Variants in OPRM1 observed in about 807,000 individuals in gnomAD.
OPRM1 encodes opioid receptor mu 1, also known as mu-type opioid receptor.
In OPRM1, 27 loss-of-function variants were observed where a neutral mutation model predicts 31.8. That is an observed-to-expected ratio of 0.85 (90% CI 0.63 to 1.17). The LOEUF is 1.17. Ranked by LOEUF, OPRM1 falls within the 50% of genes most tolerant of loss-of-function variation. OPRM1 has a pLI of 0.00. For missense variants in OPRM1, 536 were observed against 511.1 expected (o/e 1.05, Z -0.47); for synonymous variants, 196 against 189.9 (o/e 1.03, Z -0.26).
chr6:154,186,064 C>A (rs1801320334), intron 3 of OPRM1, among the ~76,000 whole-genome samples: 4 of 152,176 alleles, frequency 2.6e-5, no homozygotes, highest in Admixed American at 1.3e-4. Flanking sequence ...TCTCTGTGTT[C>A]TCTCTCCCCA....
At chr6:154,182,673 G>A (rs1349871204) in intron 3 of OPRM1, among the ~76,000 whole-genome samples, 1 of 152,140 alleles carries the variant, frequency 6.6e-6, no homozygotes, top group Admixed American at 6.6e-5. Context: ...TCAGTTGAAT[G>A]AGAACAAAAT....
intron 1 of OPRM1, among the ~76,000 whole-genome samples, chr6:154,075,126 A>G (rs1367058997): frequency 6.6e-6 from 1 of 152,210 alleles, no homozygotes; most frequent in East Asian, 1.9e-4. Flanking sequence ...AGGGAATAGA[A>G]TAAGAGTTTT....
chr6:154,105,360 T>C (rs1170043701), intron 3 of OPRM1, among the ~76,000 whole-genome samples: 2 of 152,202 alleles, frequency 1.3e-5, no homozygotes, highest in Non-Finnish European at 2.9e-5. Context: ...GTTTAAAAGA[T>C]TAGTTTTCTA....
intron 3 of OPRM1, among the ~76,000 whole-genome samples, chr6:154,152,199 G>A (rs904318990): frequency 2.3e-5 from 3 of 132,540 alleles, no homozygotes; most frequent in Admixed American, 7.7e-5. Flanking sequence ...GAGAGAGAGA[G>A]AGAAAGAAAG....
At chr6:154,196,079 C>T (rs950022332) in intron 3 of OPRM1, among the ~76,000 whole-genome samples, 2 of 152,122 alleles carry the variant, frequency 1.3e-5, no homozygotes, top group African/African-American at 2.4e-5. Flanking sequence ...TGTGAGCCAC[C>T]CTGCCCAGTC....
In OPRM1 at chr6:154,207,559, G is replaced by GT. The variant is rs60099031; in HGVS notation, c.1165-39126dup. 2.5e-3 allele frequency among the ~76,000 whole-genome samples: 377 copies of GT among 151,304 alleles called. 1 individual carries two copies. Among genetic ancestry groups the GT allele is most frequent in the African/African-American group, 8.1e-3 (335 of 41,280 alleles). On this transcript the variant is annotated intron_variant, in intron 3 of 3. Transcript: ENST00000337049. The stretch of plus-strand genomic sequence containing the variant: ...TCCTTCTGTGTTTAAACTTTTTGGG[G>GT]TTTTTTTTGTTTTTTTGTTTTTCTG...
At chr6:154,108,650 T>C (rs1795969917) in intron 3 of OPRM1, 1 of 265,960 alleles carries the variant, frequency 3.8e-6, no homozygotes, top group African/African-American at 2.3e-5. Flanking sequence ...GCAATTAATA[T>C]CCCATAGCAT....
intron 1 of OPRM1, among the ~76,000 whole-genome samples, chr6:154,023,162 T>C (rs189188881): frequency 6.6e-6 from 1 of 152,346 alleles, no homozygotes; most frequent in East Asian, 1.9e-4. Flanking sequence ...TTTAACAATA[T>C]TGATTCTTCA....
At chr6:154,097,448 G>T (rs1200145612) in intron 3 of OPRM1, among the ~76,000 whole-genome samples, 1 of 151,918 alleles carries the variant, frequency 6.6e-6, no homozygotes, top group Non-Finnish European at 1.5e-5. Flanking sequence ...GAAAGTAATT[G>T]TTTCAATTCA....
At chr6:154,174,848 C>T (rs1562523881) in intron 3 of OPRM1, among the ~76,000 whole-genome samples, 3 of 152,230 alleles carry the variant, frequency 2.0e-5, no homozygotes, top group Non-Finnish European at 4.4e-5. Context: ...GAACTCTCCA[C>T]CCAAAATCAA....
chr6:154,020,476 A>G (rs1277592648), intron 1 of OPRM1, among the ~76,000 whole-genome samples: 1 of 152,206 alleles, frequency 6.6e-6, no homozygotes, highest in African/African-American at 2.4e-5. Flanking sequence ...CAAAATCACA[A>G]TATAATTCTG....
At chr6:154,172,224 T>G (rs921616502) in intron 3 of OPRM1, among the ~76,000 whole-genome samples, 1 of 152,228 alleles carries the variant, frequency 6.6e-6, no homozygotes, top group Non-Finnish European at 1.5e-5. Context: ...GTGAAATCAA[T>G]GCAGAAGACA....
At chr6:154,203,839 G>A (rs772786420) in intron 3 of OPRM1, among the ~76,000 whole-genome samples, 32 of 152,114 alleles carry the variant, frequency 2.1e-4, no homozygotes, top group Non-Finnish European at 3.1e-4. Context: ...GAAGAAAAGC[G>A]CCCCAGAGTT....
chr6:154,150,492 GA>G, intron 3 of OPRM1, among the ~76,000 whole-genome samples: 1 of 152,206 alleles, frequency 6.6e-6, no homozygotes, highest in Non-Finnish European at 1.5e-5. Flanking sequence ...CCAAGATAGG[GA>G]AATTGGGAGT....
At chr6:154,074,795 C>T (rs1245566047) in intron 1 of OPRM1, among the ~76,000 whole-genome samples, 1 of 151,006 alleles carries the variant, frequency 6.6e-6, no homozygotes, top group African/African-American at 2.4e-5. Context: ...AAAAAAAAGA[C>T]AAGCAAAGAA....
intron 3 of OPRM1, chr6:154,109,057 C>G (rs986399439): frequency 2.0e-5 from 20 of 984,118 alleles, no homozygotes; most frequent in Non-Finnish European, 2.3e-5. Flanking sequence ...ATTCTAGTGT[C>G]TAGAACCAAA....
At chr6:154,098,966 C>A (rs980843362) in intron 3 of OPRM1, among the ~76,000 whole-genome samples, 8 of 152,016 alleles carry the variant, frequency 5.3e-5, no homozygotes, top group Non-Finnish European at 1.0e-4. Context: ...TGAATAGGAA[C>A]TTTTCATGAT....
Position 154,149,635 on chromosome 6 carries a change from TAGAG to T in OPRM1, c.1164+58183_1164+58186del, listed in dbSNP as rs57957225. 1.2e-3 allele frequency among the ~76,000 whole-genome samples: 183 copies of T among 148,070 alleles called. 3 individuals carry two copies. Among genetic ancestry groups the T allele is most frequent in the Middle Eastern group, 6.9e-3 (2 of 288 alleles). On this transcript the variant is annotated intron_variant, in intron 3 of 3. Coordinates refer to the OPRM1 transcript ENST00000337049. Reference sequence around the variant, plus strand: ...GTGTGTGTGTGCGCGCGTGTGTGTGTAGAGAGAGAGAGAGAGAGAGAGAAACTTC... The same window carrying T: ...GTGTGTGTGTGCGCGCGTGTGTGTGTAGAGAGAGAGAGAGAGAGAAACTTC...
intron 3 of OPRM1, chr6:154,221,212 G>T: frequency 7.2e-7 from 1 of 1,387,424 alleles, no homozygotes; most frequent in Non-Finnish European, 1.0e-6. Context: ...CTAAAGTTAA[G>T]TATATTCCCA....
Sources: allele counts gnomAD v4.1 joint callset (sites outside exome capture counted in the v4.1 genomes callset), GRCh38; gene constraint gnomAD v4.1.1; transcripts MANE v1.5; gene names NCBI Gene and HGNC (gene_info 2026-07-23, HGNC 2026-07-21).